Variants in PHF24 observed in about 807,000 individuals in gnomAD.
PHF24 encodes PHD finger protein 24, also known as Galpha inhibitory interacting protein.
PHF24 carries 25 observed loss-of-function variants against 42.6 expected under a neutral mutation model. The observed-to-expected ratio is 0.59, with a 90% CI of 0.43 to 0.82. The LOEUF is 0.82. Among genes scored for constraint, PHF24 ranks in the 40% least tolerant of loss-of-function variants. The pLI is 0.00. For synonymous variants in PHF24, 185 were observed against 204.8 expected (o/e 0.90, Z 0.83); for missense variants, 470 against 538.1 (o/e 0.87, Z 1.25).
the PHF24 span, among the ~76,000 whole-genome samples, chr9:34,871,995 T>G: frequency 5.7e-4 from 87 of 152,300 alleles, no homozygotes; most frequent in South Asian, 1.9e-3. Context: ...GACAATATTG[T>G]CTTCCTATTC....
chr9:34,741,764 C>T, the PHF24 span, among the ~76,000 whole-genome samples: 1 of 152,228 alleles, frequency 6.6e-6, no homozygotes, highest in African/African-American at 2.4e-5. Context: ...TTCATCCTTT[C>T]CTGTCTCATG....
At chr9:34,781,850 G>A in the PHF24 span, among the ~76,000 whole-genome samples, 1 of 152,144 alleles carries the variant, frequency 6.6e-6, no homozygotes, top group South Asian at 2.1e-4. Context: ...CAATAGGTTG[G>A]TAAGTACAGC....
chr9:34,712,231 T>A, the PHF24 span, among the ~76,000 whole-genome samples: 1 of 152,202 alleles, frequency 6.6e-6, no homozygotes, highest in Non-Finnish European at 1.5e-5. Flanking sequence ...TTGCTGCTTT[T>A]AAAATCTTTG....
At chr9:34,855,519 C>G in the PHF24 span, among the ~76,000 whole-genome samples, 1 of 152,138 alleles carries the variant, frequency 6.6e-6, no homozygotes, top group Admixed American at 6.5e-5. Flanking sequence ...GATCTTATTT[C>G]TCCTTTGCTT....
the PHF24 span, among the ~76,000 whole-genome samples, chr9:34,816,714 T>C: frequency 3.3e-5 from 5 of 152,152 alleles, no homozygotes; most frequent in South Asian, 2.1e-4. Flanking sequence ...GGTTATAAAG[T>C]TTCAATATAA....
the PHF24 span, among the ~76,000 whole-genome samples, chr9:34,936,102 T>C: frequency 6.7e-6 from 1 of 148,844 alleles, no homozygotes; most frequent in Non-Finnish European, 1.5e-5. Context: ...CTTTCCACGG[T>C]CTCCCTCTGA....
At chr9:34,729,191 A>G in the PHF24 span, 4 of 1,416,964 alleles carry the variant, frequency 2.8e-6, no homozygotes, top group Non-Finnish European at 3.7e-6. Flanking sequence ...TATGCTATAA[A>G]AATTCTGGGG....
chr9:34,841,092 C>A, the PHF24 span, among the ~76,000 whole-genome samples: 6 of 152,018 alleles, frequency 3.9e-5, no homozygotes, highest in Non-Finnish European at 8.8e-5. Context: ...CTCCGCCTCC[C>A]GGGTTCATGC....
At chr9:34,976,343 T>G in intron 4 of PHF24, 113 bp downstream of exon 4, 1 of 1,038,450 alleles carries the variant, frequency 9.6e-7, no homozygotes, top group South Asian at 1.3e-5. Flanking sequence ...AGAGGGTAAA[T>G]GAGTCCTTGT....
At chr9:34,721,460 G>A in the PHF24 span, among the ~76,000 whole-genome samples, 2 of 149,532 alleles carry the variant, frequency 1.3e-5, no homozygotes, top group African/African-American at 5.0e-5. Flanking sequence ...TGTCGCCCAG[G>A]CTGGAATGCA....
chr9:34,925,678 C>T, the PHF24 span, among the ~76,000 whole-genome samples: 2 of 152,054 alleles, frequency 1.3e-5, no homozygotes. Flanking sequence ...TTCAAATTAT[C>T]AATTGTTTTC....
the PHF24 span, among the ~76,000 whole-genome samples, chr9:34,812,615 A>G: frequency 1.1e-4 from 17 of 152,316 alleles, no homozygotes; most frequent in Admixed American, 2.6e-4. Context: ...AGCAGACTGG[A>G]TATGATGAGC....
chr9:34,829,726 A>G, the PHF24 span, among the ~76,000 whole-genome samples: 2 of 152,144 alleles, frequency 1.3e-5, no homozygotes, highest in Non-Finnish European at 2.9e-5. Flanking sequence ...GCATATTTTA[A>G]CCATTCAGGC....
At chr9:34,759,176 C>T in the PHF24 span, among the ~76,000 whole-genome samples, 2 of 152,158 alleles carry the variant, frequency 1.3e-5, no homozygotes, top group East Asian at 3.9e-4. Flanking sequence ...GCCTTGATAT[C>T]TTAGAACCTT....
the PHF24 span, chr9:34,889,034 A>G: frequency 2.5e-6 from 1 of 398,490 alleles, no homozygotes; most frequent in Non-Finnish European, 4.4e-6. Context: ...CATATACCAC[A>G]TTGAAAATGA....
At chr9:34,743,658 A>G in the PHF24 span, among the ~76,000 whole-genome samples, 1 of 152,274 alleles carries the variant, frequency 6.6e-6, no homozygotes, top group Non-Finnish European at 1.5e-5. Flanking sequence ...GCTCTTCTTG[A>G]GTTTGTGCGA....
At chr9:34,978,074 C>T in exon 8 of PHF24, 1 of 1,614,186 alleles carries the variant, frequency 6.2e-7, no homozygotes, top group African/African-American at 1.3e-5. Context: ...GCTGCTCGCC[C>T]CAACAGCGCA....
At chr9:34,795,900 G>A in the PHF24 span, among the ~76,000 whole-genome samples, 1 of 151,862 alleles carries the variant, frequency 6.6e-6, no homozygotes. Flanking sequence ...TGCTTGGGAG[G>A]CTGAGGTGTA....
the PHF24 span, among the ~76,000 whole-genome samples, chr9:34,861,287 G>C: frequency 6.6e-6 from 1 of 152,142 alleles, no homozygotes; most frequent in African/African-American, 2.4e-5. Context: ...ATACCTCATT[G>C]AACACTATGG....
Sources: allele counts gnomAD v4.1 joint callset (sites outside exome capture counted in the v4.1 genomes callset), GRCh38; gene constraint gnomAD v4.1.1; transcripts MANE v1.5; gene names NCBI Gene and HGNC (gene_info 2026-07-23, HGNC 2026-07-21).